PDE8A: variants seen among roughly 807,000 people sequenced by gnomAD.
PDE8A encodes phosphodiesterase 8A, also known as high affinity cAMP-specific and IBMX-insensitive 3',5'-cyclic phosphodiesterase 8A.
PDE8A carries 59 observed loss-of-function variants against 105.0 expected under a neutral mutation model. The ratio of observed to expected loss-of-function variants is 0.56; its 90% CI spans 0.46 to 0.70. PDE8A has a LOEUF of 0.70. Ranked by LOEUF, PDE8A falls within the 30% of genes least tolerant of loss-of-function variation. PDE8A has a pLI of 0.00. For synonymous variants in PDE8A, 355 were observed against 371.9 expected (o/e 0.95, Z 0.52); for missense variants, 1,014 against 1,045.9 (o/e 0.97, Z 0.42).
At chr15:85,114,151 G>T (rs1330078479) in intron 14 of PDE8A, 114 bp downstream of exon 14, 9 of 870,622 alleles carry the variant, frequency 1.0e-5, no homozygotes, top group Non-Finnish European at 1.6e-5. Context: ...GTAGGGTTCA[G>T]TCAAGACCTA....
At chr15:85,109,204 C>A in intron 12 of PDE8A, 74 bp downstream of exon 12, 1 of 938,598 alleles carries the variant, frequency 1.1e-6, no homozygotes, top group South Asian at 1.6e-5. Context: ...CCTGCCTTGC[C>A]CAGGCTCATC....
At chr15:85,134,445 G>C (rs2082374362) in intron 20 of PDE8A, among the ~76,000 whole-genome samples, 1 of 152,216 alleles carries the variant, frequency 6.6e-6, no homozygotes, top group Non-Finnish European at 1.5e-5. Flanking sequence ...TACCATGGCA[G>C]AGACTCGTGT....
intron 6 of PDE8A, among the ~76,000 whole-genome samples, chr15:85,085,101 AGGCACCCACTGCGTTCAAGAT>A (rs1450863387): frequency 1.3e-5 from 2 of 152,152 alleles, no homozygotes; most frequent in Admixed American, 1.3e-4. Context: ...CACCCCAGAT[AGGCACCCACTGCGTTCAAGAT>A]GAAGTCCAAA....
At chr15:85,100,969 C>A (rs529275748) in intron 11 of PDE8A, among the ~76,000 whole-genome samples, 4 of 152,346 alleles carry the variant, frequency 2.6e-5, no homozygotes, top group Admixed American at 2.6e-4. Flanking sequence ...TTCATTCTTT[C>A]ATTCTAGAAA....
intron 1 of PDE8A, among the ~76,000 whole-genome samples, chr15:85,022,278 G>A (rs1405522947): frequency 6.6e-6 from 1 of 152,178 alleles, no homozygotes; most frequent in Non-Finnish European, 1.5e-5. Context: ...AGACATGGGT[G>A]CTTCACATTT....
At chr15:85,057,725 T>C (rs1026822512) in intron 1 of PDE8A, among the ~76,000 whole-genome samples, 1 of 152,248 alleles carries the variant, frequency 6.6e-6, no homozygotes, top group Non-Finnish European at 1.5e-5. Context: ...ATTTCTATTT[T>C]GTTGAGTGTT....
At chr15:85,024,436 G>T (rs558201339) in intron 1 of PDE8A, among the ~76,000 whole-genome samples, 9 of 152,196 alleles carry the variant, frequency 5.9e-5, no homozygotes, top group East Asian at 3.9e-4. Flanking sequence ...TTTTTCTGAA[G>T]TTACAAGCCC....
intron 19 of PDE8A, 143 bp downstream of exon 19, chr15:85,123,336 A>C (rs2082210546): frequency 1.9e-6 from 1 of 537,358 alleles, no homozygotes; most frequent in Non-Finnish European, 3.3e-6. Context: ...AACTAATGGG[A>C]TACACACACA....
intron 12 of PDE8A, among the ~76,000 whole-genome samples, chr15:85,110,228 G>A (rs1413624195): frequency 6.6e-6 from 1 of 152,158 alleles, no homozygotes; most frequent in Non-Finnish European, 1.5e-5. Context: ...TGAGGTCCCT[G>A]CCCAGAACAG....
rs149768029 is a variant in PDE8A, at chr15:85,014,485, C to T, written c.186+32137C>T. ...GCAGGATAAATGCTTGTTTCTTGTTCTCCATTTATTATACCAGTTTTCAGA... is the reference window on the plus strand; with the variant it reads ...GCAGGATAAATGCTTGTTTCTTGTTTTCCATTTATTATACCAGTTTTCAGA... On this transcript the variant is annotated intron_variant, in intron 1 of 21. Transcript: ENST00000394553. Among the ~76,000 whole-genome samples, 733 of 152,306 alleles carry T rather than the reference C, an allele frequency of 4.8e-3. 6 individuals carry two copies. The highest frequency in any genetic ancestry group is 0.015 in the African/African-American group (613 of 41,564).
intron 12 of PDE8A, among the ~76,000 whole-genome samples, chr15:85,112,006 T>C (rs1049197252): frequency 3.3e-5 from 5 of 152,208 alleles, no homozygotes; most frequent in Non-Finnish European, 7.3e-5. Context: ...ATACAACTGA[T>C]TTTTGTATAT....
intron 1 of PDE8A, among the ~76,000 whole-genome samples, chr15:85,010,497 T>C (rs1327432441): frequency 6.6e-6 from 1 of 152,206 alleles, no homozygotes; most frequent in African/African-American, 2.4e-5. Context: ...TTCCCTGTTA[T>C]ATCCTCTGTG....
chr15:85,118,307 T>C (rs2082127698), intron 17 of PDE8A, among the ~76,000 whole-genome samples: 3 of 152,108 alleles, frequency 2.0e-5, no homozygotes, highest in Admixed American at 2.0e-4. Context: ...GATACCCAGA[T>C]TAGAAACCGA....
intron 1 of PDE8A, among the ~76,000 whole-genome samples, chr15:85,041,623 A>AT (rs1367335614): frequency 6.6e-6 from 1 of 152,146 alleles, no homozygotes; most frequent in Admixed American, 6.5e-5. Flanking sequence ...ATAAATACAC[A>AT]TTTTTTTCTT....
At chr15:84,996,839 A>AAAAC (rs2079986250) in intron 1 of PDE8A, among the ~76,000 whole-genome samples, 1 of 149,442 alleles carries the variant, frequency 6.7e-6, no homozygotes, top group Non-Finnish European at 1.5e-5. Flanking sequence ...AAAAAAAAAA[A>AAAAC]AAAAAAAAAA....
chr15:85,067,184 G>A lies in PDE8A; in HGVS notation c.414G>A (p.Leu138=). 2.5e-6 allele frequency: 4 copies of A among 1,613,634 alleles called. No individual in the cohort carries two copies. ...TAGACCACAGAAATCCTCGACAGCTGGATGCAGAGGCACTGTGCAGGTAAG... is the reference window on the plus strand; with the variant it reads ...TAGACCACAGAAATCCTCGACAGCTAGATGCAGAGGCACTGTGCAGGTAAG... ...IIIDHRNPRQ[L]DAEALCRSIR... Residue 138 remains leucine, a synonymous_variant, in exon 3 of 22, where the codon CTG becomes CTA. Coordinates refer to ENST00000394553, the MANE Select transcript of PDE8A (RefSeq NM_002605.3).
intron 3 of PDE8A, among the ~76,000 whole-genome samples, chr15:85,070,708 A>G (rs1248385573): frequency 2.0e-5 from 3 of 152,190 alleles, no homozygotes; most frequent in Non-Finnish European, 4.4e-5. Context: ...GGAGGTTGGA[A>G]CAGCAGACGT....
chr15:84,994,940 C>A (rs998841893), intron 1 of PDE8A, among the ~76,000 whole-genome samples: 1 of 147,978 alleles, frequency 6.8e-6, no homozygotes, highest in Non-Finnish European at 1.5e-5. Flanking sequence ...CCAGCCTGGG[C>A]AACAAGGGCG....
At chr15:85,061,096 A>T (rs1173441490) in intron 1 of PDE8A, among the ~76,000 whole-genome samples, 1 of 152,168 alleles carries the variant, frequency 6.6e-6, no homozygotes, top group African/African-American at 2.4e-5. Context: ...AGTTTTGCCA[A>T]ATATAGGATC....
Sources: gnomAD v4.1 joint callset for allele counts (sites outside exome capture counted in the v4.1 genomes callset) on GRCh38, gnomAD v4.1.1 for gene constraint, MANE v1.5 for transcripts, NCBI Gene and HGNC (gene_info 2026-07-23, HGNC 2026-07-21) for gene names.